SPATA6L: variants seen among roughly 807,000 people sequenced by gnomAD.
SPATA6L encodes spermatogenesis associated 6-like protein.
SPATA6L carries 68 observed loss-of-function variants against 49.2 expected under a neutral mutation model. The ratio of observed to expected loss-of-function variants is 1.38; its 90% confidence interval spans 1.14 to 1.69. The LOEUF is 1.69. Among genes scored for constraint, SPATA6L ranks in the 40% most tolerant of loss-of-function variants. The pLI, the probability that SPATA6L is intolerant of heterozygous loss-of-function variation, is 0.00. For missense variants in SPATA6L, 668 were observed against 464.3 expected (o/e 1.44, Z -4.03); for synonymous variants, 198 against 165.7 (o/e 1.19, Z -1.50).
chr9:4,641,997 T>A (rs1008218797), intron 3 of SPATA6L, among the ~76,000 whole-genome samples: 5 of 152,192 alleles, frequency 3.3e-5, no homozygotes, highest in African/African-American at 1.2e-4. Flanking sequence ...TGAACTCCTG[T>A]GCTCAAGCAA....
intron 1 of SPATA6L, chr9:4,664,230 G>T (rs1840507098): frequency 6.0e-6 from 1 of 167,064 alleles, no homozygotes; most frequent in South Asian, 2.1e-4. Flanking sequence ...GGGCCCTGCT[G>T]CCAGTCATCT....
chr9:4,659,866 A>C (rs1839200037), intron 2 of SPATA6L, among the ~76,000 whole-genome samples: 1 of 152,202 alleles, frequency 6.6e-6, no homozygotes, highest in Admixed American at 6.5e-5. Context: ...GGCCCTCAGA[A>C]ATAATACCAC....
chr9:4,654,828 C>T (rs746363273), intron 3 of SPATA6L, among the ~76,000 whole-genome samples: 2 of 152,006 alleles, frequency 1.3e-5, no homozygotes, highest in Non-Finnish European at 2.9e-5. Context: ...AGGATGGGGG[C>T]ATGGTGGGCC....
rs1326430542 is a variant in SPATA6L at position 4,608,054 on chromosome 9, T to A, written c.996-2614A>T. Among the ~76,000 whole-genome samples, 6 of 146,902 alleles carry A rather than the reference T, an allele frequency of 4.1e-5. No homozygotes were observed. In the South Asian group the frequency reaches 1.3e-3, roughly 33 times the overall value. On this transcript the variant is annotated intron_variant, in intron 9 of 11. Transcript: ENST00000682582. ...AGATCAAAAGAGACAAAGAAGGCCA[T>A]TACATAATGGTAAAGGGATCAATTC...
At chr9:4,606,120 G>C (rs905810300) in intron 9 of SPATA6L, among the ~76,000 whole-genome samples, 1 of 151,884 alleles carries the variant, frequency 6.6e-6, no homozygotes, top group Admixed American at 6.6e-5. Flanking sequence ...AAAAAATGGC[G>C]CACCACCCAC....
chr9:4,640,564 TA>T (rs1833809155), intron 3 of SPATA6L, among the ~76,000 whole-genome samples: 1 of 151,198 alleles, frequency 6.6e-6, no homozygotes, highest in African/African-American at 2.4e-5. Context: ...CAGGAAACTT[TA>T]AGAAAAAAAA....
At chr9:4,620,423 T>A (rs1407499232) in intron 7 of SPATA6L, among the ~76,000 whole-genome samples, 4 of 152,198 alleles carry the variant, frequency 2.6e-5, no homozygotes, top group African/African-American at 9.6e-5. Context: ...AGCATTCATA[T>A]CACCTGGAAG....
intron 3 of SPATA6L, among the ~76,000 whole-genome samples, 167 bp from the exon 4 acceptor site, chr9:4,635,566 C>T (rs532316078): frequency 5.7e-4 from 86 of 152,042 alleles, no homozygotes; most frequent in African/African-American, 2.0e-3. Flanking sequence ...CTTTTTATCT[C>T]GTGGATAATT....
At chr9:4,601,164 G>A (rs533312572) in intron 11 of SPATA6L, among the ~76,000 whole-genome samples, 8 of 152,182 alleles carry the variant, frequency 5.3e-5, no homozygotes, top group African/African-American at 1.9e-4. Flanking sequence ...ATATTCTACT[G>A]AACAAATTTC....
intron 2 of SPATA6L, among the ~76,000 whole-genome samples, chr9:4,656,490 AAGGAAGGAAGGAAGGG>A (rs879387964): frequency 0.026 from 3,677 of 141,500 alleles, 164 homozygotes; most frequent in African/African-American, 0.085. Flanking sequence ...GGAAGGAAGG[AAGGAAGGAAGGAAGGG>A]AGGAGCCGTA....
At chr9:4,643,238 C>G (rs1834436533) in intron 3 of SPATA6L, among the ~76,000 whole-genome samples, 1 of 152,170 alleles carries the variant, frequency 6.6e-6, no homozygotes, top group Non-Finnish European at 1.5e-5. Context: ...AAACTCCTGA[C>G]CTCATGATCC....
chr9:4,654,792 C>G (rs374765045), intron 3 of SPATA6L, among the ~76,000 whole-genome samples: 53 of 152,218 alleles, frequency 3.5e-4, no homozygotes, highest in African/African-American at 1.3e-3. Context: ...CTCTGCCTTG[C>G]TAGGGTCTCC....
At chr9:4,593,718 T>A (rs1822052036), downstream of SPATA6L, among the ~76,000 whole-genome samples, 2 of 152,196 alleles carry the variant, frequency 1.3e-5, 1 homozygote, top group South Asian at 4.1e-4. Context: ...GCAACATATG[T>A]CACTGTTGAT....
At chr9:4,613,236 A>AAAGAAAG (rs1827190355) in intron 9 of SPATA6L, among the ~76,000 whole-genome samples, 1 of 151,630 alleles carries the variant, frequency 6.6e-6, no homozygotes, top group African/African-American at 2.4e-5. Context: ...TCAAAAAAAA[A>AAAGAAAG]AAAGAAAGAA....
chr9:4,592,304 G>A (rs1163879466), intron 13 of SPATA6L, among the ~76,000 whole-genome samples: 6 of 116,932 alleles, frequency 5.1e-5, no homozygotes, highest in Admixed American at 2.0e-4. Flanking sequence ...GACAGAGGGA[G>A]ACTCCATCTC....
At chr9:4,644,452 A>C (rs1175637183) in intron 3 of SPATA6L, among the ~76,000 whole-genome samples, 2 of 152,002 alleles carry the variant, frequency 1.3e-5, no homozygotes, top group African/African-American at 4.8e-5. Context: ...GCTATGTAAA[A>C]ATTCCATATC....
chr9:4,609,901 T>C (rs1462612473), intron 9 of SPATA6L, among the ~76,000 whole-genome samples: 4 of 151,982 alleles, frequency 2.6e-5, no homozygotes, highest in African/African-American at 9.7e-5. Flanking sequence ...AAAACCCCAT[T>C]GTCTCAGCCC....
chr9:4,611,992 C>T (rs2130264225), intron 9 of SPATA6L, among the ~76,000 whole-genome samples: 1 of 151,824 alleles, frequency 6.6e-6, no homozygotes, highest in South Asian at 2.1e-4. Context: ...CAACTAGGTA[C>T]ATGTTGCCAT....
intron 10 of SPATA6L, among the ~76,000 whole-genome samples, chr9:4,604,641 C>T (rs1417885072): frequency 6.6e-6 from 1 of 152,156 alleles, no homozygotes; most frequent in Admixed American, 6.6e-5. Flanking sequence ...TAATTCACTA[C>T]CCTGATGGTT....
Sources: gnomAD v4.1 joint callset for allele counts (sites outside exome capture counted in the v4.1 genomes callset) on GRCh38, gnomAD v4.1.1 for gene constraint, MANE v1.5 for transcripts, NCBI Gene and HGNC (gene_info 2026-07-23, HGNC 2026-07-21) for gene names.